TRIM50: variants seen among roughly 807,000 people sequenced by gnomAD.
TRIM50 encodes the protein E3 ubiquitin-protein ligase TRIM50.
TRIM50 carries 34 observed loss-of-function variants against 44.9 expected under a neutral mutation model. That is an observed-to-expected ratio of 0.76 (90% CI 0.58 to 1.01). The LOEUF is 1.01. Among genes scored for constraint, TRIM50 ranks in the 50% least tolerant of loss-of-function variants. The pLI is 0.00. For synonymous variants in TRIM50, 307 were observed against 291.1 expected, an observed-to-expected ratio of 1.05 and a Z score of -0.56; for missense variants, 633 against 663.7, an observed-to-expected ratio of 0.95 and a Z score of 0.51.
Position 73,316,696 on chromosome 7 carries a change from G to T in TRIM50, c.750-7C>A. ...GGCCTGCGGCATCTCTGCTCTGCAG[G>T]TGACAGTTCACAGTACAAGAGAGTG... is the stretch of plus-strand genomic sequence containing the variant. On this transcript the variant is annotated splice_region_variant and splice_polypyrimidine_tract_variant and intron_variant, in intron 5 of 6. Coordinates refer to ENST00000333149, the MANE Select transcript of TRIM50 (RefSeq NM_178125.3). 4.3e-6 allele frequency: 7 copies of T among 1,613,628 alleles called. No individual in the cohort carries two copies. The highest frequency in any genetic ancestry group is 5.9e-6 in the Non-Finnish European group (7 of 1,179,948).
chr7:73,320,705 T>A (rs1311479855), intron 2 of TRIM50, among the ~76,000 whole-genome samples: 1 of 144,558 alleles, frequency 6.9e-6, no homozygotes, highest in African/African-American at 2.6e-5. Context: ...CTCAAAAAAA[T>A]AAAAATAAAA....
chr7:73,324,693 C>T lies in TRIM50; in HGVS notation c.95G>A (p.Gly32Asp), dbSNP rs782048648. 6.2e-7 allele frequency: 1 copy of T among 1,614,072 alleles called. No individual in the cohort carries two copies. Among genetic ancestry groups the T allele is most frequent in the African/African-American group, 1.3e-5 (1 of 74,930 alleles). ...CAGGCAGCCCTTGCAGTAAGAGTGGCCACACTGCAGCATCAGGGGCTCCTT... is the reference window on the plus strand; with the variant it reads ...CAGGCAGCCCTTGCAGTAAGAGTGGTCACACTGCAGCATCAGGGGCTCCTT... ...VFKEPLMLQC[G>D]HSYCKGCLVS... Residue 32 changes from glycine (G) to aspartate (D), a missense_variant, in exon 2 of 7, where the codon GGC (glycine) becomes GAC (aspartate). Transcript: ENST00000333149.
chr7:73,325,014 ATGTGTGTGTGTG>A (rs3040867), intron 1 of TRIM50, among the ~76,000 whole-genome samples: 9 of 142,032 alleles, frequency 6.3e-5, no homozygotes, highest in African/African-American at 1.8e-4. Flanking sequence ...CCTTGAAGAT[ATGTGTGTGTGTG>A]TGTGTGTGTG....
Position 73,325,739 on chromosome 7 carries a change from T to C in TRIM50, c.-18-934A>G, listed in dbSNP as rs1804608709. Among the ~76,000 whole-genome samples, 3 of 152,352 alleles carry C rather than the reference T, an allele frequency of 2.0e-5. No individual in the cohort carries two copies. The East Asian group carries it at 5.8e-4, about 29-fold the overall frequency. On this transcript the variant is annotated intron_variant, in intron 1 of 6. Transcript: ENST00000333149. ...GCCTGCTCTGATAACATTCAGGTGC[T>C]GGCCTTGGCCACTGTGGAGGAGGGG... is the stretch of plus-strand genomic sequence containing the variant.
intron 2 of TRIM50, 48 bp from the exon 3 acceptor site, chr7:73,320,290 C>T: frequency 6.2e-7 from 1 of 1,613,056 alleles, no homozygotes; most frequent in Non-Finnish European, 8.5e-7. Context: ...CCCTCCCCTT[C>T]TCAGCTCCTT....
chr7:73,326,808 G>C (rs1804641965), intron 1 of TRIM50, among the ~76,000 whole-genome samples: 1 of 151,850 alleles, frequency 6.6e-6, no homozygotes, highest in South Asian at 2.1e-4. Flanking sequence ...TTTGTTTTCT[G>C]AGACAGAGTT....
chr7:73,321,707 C>T (rs1163178785), intron 2 of TRIM50, among the ~76,000 whole-genome samples: 2 of 152,198 alleles, frequency 1.3e-5, no homozygotes, highest in Non-Finnish European at 2.9e-5. Context: ...TGGCTTGGAT[C>T]GTGCCCAAGC....
rs1804256179 is a variant in TRIM50, at chr7:73,312,951, G to A, written c.1434C>T (p.Pro478=). The part of the protein sequence containing the change: ...MVLPPPSGPG[P]LSPEQPTKL ...GCTTGGTGGGCTGCTCGGGGCTGAG[G>A]GGGCCAGGCCCGCTGGGCGGGGGCA... The change falls in exon 7 of 7, where the codon CCC becomes CCT. Residue 478 remains proline (P), a synonymous_variant. Coordinates refer to ENST00000333149, the MANE Select transcript of TRIM50 (RefSeq NM_178125.3). 1.9e-6 allele frequency: 3 copies of A among 1,549,120 alleles called. No individual in the cohort carries two copies. Among genetic ancestry groups the A allele is most frequent in the African/African-American group, 2.7e-5 (2 of 73,024 alleles).
intron 6 of TRIM50, chr7:73,314,079 CG>C: frequency 3.3e-6 from 1 of 301,556 alleles, no homozygotes; most frequent in Non-Finnish European, 6.3e-6. Flanking sequence ...CCCCCCTGCC[CG>C]CCTCCCACCC....
rs569054589 is a variant in TRIM50 at position 73,313,309 on chromosome 7, C to T, written c.1076G>A (p.Ser359Asn). Reference sequence around the variant, plus strand: ...CTTGATGACCCCCAGGCGCCAGTCGCTCTTGCTGCCCACCACCACCTCCCA... The same window carrying T: ...CTTGATGACCCCCAGGCGCCAGTCGTTCTTGCTGCCCACCACCACCTCCCA... ...HYWEVVVGSK[S>N]DWRLGVIKGT... Residue 359 changes from serine to asparagine, a missense_variant, in exon 7 of 7, where the codon AGC becomes AAC. Ser to Asn is a conservative substitution (Grantham distance 46). Coordinates refer to ENST00000333149, the MANE Select transcript of TRIM50 (RefSeq NM_178125.3). The surrounding 1 kb of genome is among the most constrained non-coding windows in gnomAD (Gnocchi z 4.9). 64 of 1,605,984 alleles carry T rather than the reference C, an allele frequency of 4.0e-5. No individual in the cohort carries two copies. In the East Asian group the frequency reaches 8.5e-4, roughly 21 times the overall value.
Position 73,312,937 on chromosome 7 carries a change from T to C in TRIM50, c.1448A>G (p.Gln483Arg), listed in dbSNP as rs1350803877. The C allele has an allele frequency of 3.2e-6, 5 of 1,544,690 alleles. No homozygotes were observed. The African/African-American group carries it at 6.9e-5, about 21-fold the overall frequency. ...CGGGCGGCCCTACAGCTTGGTGGGC[T>C]GCTCGGGGCTGAGGGGGCCAGGCCC... is the stretch of plus-strand genomic sequence containing the variant. ...PSGPGPLSPEQPTKL is the reference protein window; with the variant it reads ...PSGPGPLSPERPTKL Residue 483 changes from glutamine to arginine, a missense_variant, in exon 7 of 7, where the codon CAG (glutamine) becomes CGG (arginine). Physicochemically the swap from Gln to Arg is conservative, Grantham distance 43. Coordinates refer to ENST00000333149, the MANE Select transcript of TRIM50 (RefSeq NM_178125.3).
chr7:73,322,347 T>TCAA (rs762528024), intron 2 of TRIM50, among the ~76,000 whole-genome samples: 24 of 151,992 alleles, frequency 1.6e-4, no homozygotes, highest in Non-Finnish European at 2.2e-4. Flanking sequence ...AGACTCTGTC[T>TCAA]CAACAACAAC....
At position 73,312,829 on chromosome 7, in the gene TRIM50, C is replaced by G. The variant is rs1804250786; in HGVS notation, c.*92G>C. 9.8e-7 allele frequency: 1 copy of G among 1,016,508 alleles called. No homozygotes were observed. Among genetic ancestry groups the G allele is most frequent in the Non-Finnish European group, 1.4e-6 (1 of 716,234 alleles). The allele number at this position is 1,016,508 out of a possible 1,614,324, so 63.0% of individuals were successfully genotyped here. ...GCCTGAAGACCTTCCTAAACAGTGACGATATCACCTCAGGCGGGACCCAGC... is the reference window on the plus strand; with the variant it reads ...GCCTGAAGACCTTCCTAAACAGTGAGGATATCACCTCAGGCGGGACCCAGC... On this transcript the variant is annotated 3_prime_UTR_variant, in exon 7 of 7. Coordinates refer to ENST00000333149, the MANE Select transcript of TRIM50 (RefSeq NM_178125.3).
Position 73,313,506 on chromosome 7 carries a change from C to A in TRIM50, c.879G>T (p.Pro293=). ...KRLFRKVLPA[P]EPLKLDPATA... ...TGGCAGGGTCCAACTTGAGAGGCTC[C>A]GGGGCTGGGAGGGAGATCACAGAGG... is the stretch of plus-strand genomic sequence containing the variant. Residue 293 remains proline, a synonymous_variant, in exon 7 of 7, where the codon CCG becomes CCT. Transcript: ENST00000333149. This position sits in a 1 kb window ranked among gnomAD's most constrained non-coding sequence, Gnocchi z 4.9. 1 of 1,502,432 alleles carries A rather than the reference C, an allele frequency of 6.7e-7. No individual in the cohort carries two copies. The highest frequency in any genetic ancestry group is 8.9e-7 in the Non-Finnish European group (1 of 1,126,692). 93.1% of individuals were successfully genotyped at this position (1,502,432 alleles called of 1,614,324 possible).
rs1804257291 is a variant in TRIM50 at position 73,312,969 on chromosome 7, C to CG, written c.1415dup (p.Pro473AlafsTer63). ...GGCTGAGGGGGCCAGGCCCGCTGGG[C>CG]GGGGGCAGCACCATGGGCAGCGAGT... On this transcript the variant is annotated frameshift_variant, in exon 7 of 7. Coordinates refer to ENST00000333149, the MANE Select transcript of TRIM50 (RefSeq NM_178125.3). LOFTEE classifies it high-confidence loss of function. 2 of 1,550,416 alleles carry CG rather than the reference C, an allele frequency of 1.3e-6. No homozygotes were observed. Among genetic ancestry groups the CG allele is most frequent in the Admixed American group, 2.0e-5 (1 of 50,962 alleles).
intron 6 of TRIM50, chr7:73,315,291 T>C (rs1554543870): frequency 2.0e-5 from 3 of 152,032 alleles, no homozygotes; most frequent in African/African-American, 2.4e-5. Context: ...AAATGTGAGA[T>C]GTACAAACAG....
Position 73,312,633 on chromosome 7 carries a change from T to C in TRIM50, c.*288A>G. On this transcript the variant is annotated 3_prime_UTR_variant, in exon 7 of 7. Coordinates refer to ENST00000333149, the MANE Select transcript of TRIM50 (RefSeq NM_178125.3). ...GGTATACATGGGACTATTTCTGCCC[T>C]CGGAAGCGTCTGCGCAGATAGCATG... The C allele has an allele frequency of 2.3e-6, 1 of 430,730 alleles. No individual in the cohort carries two copies. Among genetic ancestry groups the C allele is most frequent in the South Asian group, 5.7e-5 (1 of 17,474 alleles). 26.7% of individuals were successfully genotyped at this position (430,730 alleles called of 1,614,324 possible). A position where few individuals can be genotyped will look rare whatever the true frequency, so the allele number is the denominator to read the frequency against.
rs782373414 is a variant in TRIM50, at chr7:73,318,808, C to T, written c.726+14G>A. Reference sequence around the variant, plus strand: ...TGGCGGGTATGGGGATGGGACGCCTCCCTGTCCACTCACCCGGATGAACTT... The same window carrying T: ...TGGCGGGTATGGGGATGGGACGCCTTCCTGTCCACTCACCCGGATGAACTT... On this transcript the variant is annotated intron_variant, in intron 4 of 6. Transcript: ENST00000333149. 324 of 1,613,872 alleles carry T rather than the reference C, an allele frequency of 2.0e-4. 2 individuals are homozygous for T. Among genetic ancestry groups the T allele is most frequent in the Middle Eastern group, 1.8e-3 (11 of 6,078 alleles).
chr7:73,324,293 T>C lies in TRIM50; in HGVS notation c.399+96A>G, dbSNP rs1804561491. 7 of 1,592,270 alleles carry C rather than the reference T, an allele frequency of 4.4e-6. No homozygotes were observed. In the South Asian group the frequency reaches 7.8e-5, roughly 18 times the overall value. ...GGCACAGCTGCAGGGAAATCGAGGATAGCTGGATCCTTTTGGTGCCAGGTG... is the reference window on the plus strand; with the variant it reads ...GGCACAGCTGCAGGGAAATCGAGGACAGCTGGATCCTTTTGGTGCCAGGTG... On this transcript the variant is annotated intron_variant, in intron 2 of 6. Transcript: ENST00000333149.
Sources: allele counts gnomAD v4.1 joint callset (sites outside exome capture counted in the v4.1 genomes callset), GRCh38; gene constraint gnomAD v4.1.1; non-coding constraint Gnocchi (gnomAD v3.1); transcripts MANE v1.5; gene names NCBI Gene and HGNC (gene_info 2026-07-23, HGNC 2026-07-21).